Variants in DCX observed in about 807,000 individuals in gnomAD.
DCX encodes doublecortin.
DCX carries 4 observed loss-of-function variants against 20.9 expected under a neutral mutation model. That is an observed-to-expected ratio of 0.19 (90% CI 0.09 to 0.44). DCX has a LOEUF of 0.44. Ranked by LOEUF, DCX falls within the 20% of genes least tolerant of loss-of-function variation. The pLI, the probability that DCX is intolerant of heterozygous loss-of-function variation, is 0.99. For missense variants in DCX, 133 were observed against 296.9 expected (o/e 0.45, Z 4.06); for synonymous variants, 103 against 111.4 (o/e 0.92, Z 0.47).
intron 3 of DCX, among the ~76,000 whole-genome samples, chrX:111,395,428 TCAA>T (rs1476265235): frequency 8.9e-6 from 1 of 112,045 alleles, no homozygotes; most frequent in African/African-American, 3.2e-5. Context: ...CAGGAGCATC[TCAA>T]CAACAATAAA....
intron 3 of DCX, among the ~76,000 whole-genome samples, chrX:111,368,568 C>T (rs1259802521): frequency 9.0e-6 from 1 of 111,001 alleles, no homozygotes; most frequent in Admixed American, 9.7e-5. Flanking sequence ...AAATGTTGAA[C>T]GACTTAATAA....
In DCX at chrX:111,368,901, TAC is replaced by T. The variant is rs200777698; in HGVS notation, c.705+32087_705+32088del. ...CTAATACGGGATATATATATATACA[TAC>T]ACACACACACACACACACACACACA... On this transcript the variant is annotated intron_variant, in intron 3 of 6. Coordinates refer to ENST00000636035, the MANE Select transcript of DCX (RefSeq NM_001195553.2). Among the ~76,000 whole-genome samples, 539 of 97,864 alleles carry T rather than the reference TAC, an allele frequency of 5.5e-3. 1 individual carries two copies. The highest frequency in any genetic ancestry group is 0.02 in the Middle Eastern group (4 of 196). 85.0% of individuals were successfully genotyped at this position (97,864 alleles called of 115,157 possible). A position where few individuals can be genotyped will look rare whatever the true frequency, so the allele number is the denominator to read the frequency against.
At chrX:111,347,504 C>T (rs1171137558) in intron 3 of DCX, among the ~76,000 whole-genome samples, 1 of 111,485 alleles carries the variant, frequency 9.0e-6, no homozygotes, top group Non-Finnish European at 1.9e-5. Flanking sequence ...TGACCCATCC[C>T]AGGCCCTTAA....
chrX:111,332,662 T>C (rs1169520783), intron 4 of DCX, among the ~76,000 whole-genome samples: 1 of 112,025 alleles, frequency 8.9e-6, no homozygotes, highest in African/African-American at 3.2e-5. Context: ...ATTGGAACCA[T>C]AATCACAAGC....
At chrX:111,332,454 G>T (rs986957734) in intron 4 of DCX, among the ~76,000 whole-genome samples, 2 of 111,666 alleles carry the variant, frequency 1.8e-5, no homozygotes, top group African/African-American at 6.5e-5. Context: ...TTCTACCCTT[G>T]TTGCTGCGTG....
Position 111,362,297 on chromosome X carries a change from C to A in DCX, c.706-29144G>T, listed in dbSNP as rs756642724. Among the ~76,000 whole-genome samples the A allele has an allele frequency of 2.7e-5, 3 of 111,072 alleles. No individual in the cohort carries two copies. In the South Asian group the frequency reaches 1.2e-3, roughly 43 times the overall value. On this transcript the variant is annotated intron_variant, in intron 3 of 6. Coordinates refer to ENST00000636035, the MANE Select transcript of DCX (RefSeq NM_001195553.2). ...TCCATTTTCAGCATCTTTGCAACAC[C>A]CTTCATTCTTCATCCTCTCCTCCTT... is the stretch of plus-strand genomic sequence containing the variant.
intron 3 of DCX, among the ~76,000 whole-genome samples, chrX:111,366,065 T>G (rs1379416936): frequency 8.9e-6 from 1 of 112,433 alleles, no homozygotes; most frequent in Non-Finnish European, 1.9e-5. Flanking sequence ...TGAGAACCAT[T>G]GGTTGAATAC....
At chrX:111,402,782 GGTGTGTGTGTGTGTGTGTGT>G (rs200058275) in intron 2 of DCX, among the ~76,000 whole-genome samples, 3 of 96,844 alleles carry the variant, frequency 3.1e-5, no homozygotes, top group Non-Finnish European at 6.1e-5. Flanking sequence ...GTGTGTGCGT[GGTGTGTGTGTGTGTGTGTGT>G]GTGTGTGTGT....
At chrX:111,314,972 C>A (rs1384474012) in intron 5 of DCX, among the ~76,000 whole-genome samples, 1 of 109,666 alleles carries the variant, frequency 9.1e-6, no homozygotes, top group African/African-American at 3.4e-5. Flanking sequence ...TTAATTAGAT[C>A]CCATTTGTCA....
intron 6 of DCX, among the ~76,000 whole-genome samples, chrX:111,311,342 G>T (rs1038196424): frequency 1.8e-5 from 2 of 111,985 alleles, no homozygotes; most frequent in African/African-American, 6.5e-5. Context: ...AAATTATGGG[G>T]CAGGCAGTAG....
chrX:111,321,839 T>C (rs755577802), intron 5 of DCX, among the ~76,000 whole-genome samples: 1 of 112,204 alleles, frequency 8.9e-6, no homozygotes, highest in South Asian at 3.7e-4. Flanking sequence ...TTATACTTTC[T>C]GGGCTCAAGT....
At chrX:111,303,632 C>T (rs1410683441) in intron 6 of DCX, among the ~76,000 whole-genome samples, 1 of 111,921 alleles carries the variant, frequency 8.9e-6, no homozygotes, top group Non-Finnish European at 1.9e-5. Context: ...CTAATTAATG[C>T]TATGACATTG....
At position 111,297,223 on chromosome X, in the gene DCX, C is replaced by T. The variant is rs981978137; in HGVS notation, c.*4464G>A. On this transcript the variant is annotated 3_prime_UTR_variant, in exon 7 of 7. Transcript: ENST00000636035. ...CAAACTGGACAACCATAAAAGAAGT[C>T]GTTCAAACCACTGTCCCAGTGTTTC... is the stretch of plus-strand genomic sequence containing the variant. 1 of 111,949 alleles carries T rather than the reference C, an allele frequency of 8.9e-6. No homozygotes were observed. Among genetic ancestry groups the T allele is most frequent in the East Asian group, 2.8e-4 (1 of 3,548 alleles). The allele number at this position is 111,949 out of a possible 1,213,427, so 9.2% of individuals were successfully genotyped here.
At chrX:111,404,536 A>G (rs1928065496) in intron 2 of DCX, among the ~76,000 whole-genome samples, 1 of 111,940 alleles carries the variant, frequency 8.9e-6, no homozygotes, top group Non-Finnish European at 1.9e-5. Flanking sequence ...AATCTCAACT[A>G]GGCACTTAAA....
intron 2 of DCX, among the ~76,000 whole-genome samples, chrX:111,404,514 G>A (rs923998021): frequency 1.8e-5 from 2 of 112,143 alleles, no homozygotes; most frequent in Admixed American, 9.4e-5. Flanking sequence ...GAGTCACACA[G>A]ACCTGGATTC....
chrX:111,324,727 T>C (rs1307702176), intron 5 of DCX, among the ~76,000 whole-genome samples: 4 of 112,449 alleles, frequency 3.6e-5, no homozygotes, highest in Non-Finnish European at 7.5e-5. Flanking sequence ...AAAATTTACA[T>C]GTATACTGGT....
At chrX:111,357,975 G>A (rs1381491778) in intron 3 of DCX, among the ~76,000 whole-genome samples, 8 of 110,220 alleles carry the variant, frequency 7.3e-5, no homozygotes, top group African/African-American at 2.6e-4. Context: ...CTACAGGCGT[G>A]TGCCACCACG....
At chrX:111,376,983 G>A (rs770196317) in intron 3 of DCX, among the ~76,000 whole-genome samples, 4 of 111,796 alleles carry the variant, frequency 3.6e-5, no homozygotes, top group African/African-American at 1.3e-4. Flanking sequence ...ATCTGACAAC[G>A]CTAATCTGAA....
chrX:111,341,392 C>T (rs983553278), intron 3 of DCX, among the ~76,000 whole-genome samples: 2 of 110,797 alleles, frequency 1.8e-5, no homozygotes, highest in Non-Finnish European at 3.8e-5. Context: ...ACTGAACCTA[C>T]GATTGATTGC....
Sources: allele counts gnomAD v4.1 joint callset (sites outside exome capture counted in the v4.1 genomes callset), GRCh38; gene constraint gnomAD v4.1.1; transcripts MANE v1.5; gene names NCBI Gene and HGNC (gene_info 2026-07-23, HGNC 2026-07-21).